GAS7: variants seen among roughly 807,000 people sequenced by gnomAD.
GAS7 encodes the protein growth arrest specific 7, also known as growth arrest-specific protein 7.
In GAS7, 28 loss-of-function variants were observed where a neutral mutation model predicts 71.1. The ratio of observed to expected loss-of-function variants is 0.39; its 90% CI spans 0.29 to 0.54. GAS7 has a LOEUF of 0.54. GAS7 is among the 20% of genes least tolerant of loss of function. The pLI, the probability that GAS7 is intolerant of heterozygous loss-of-function variation, is 0.62. For synonymous variants in GAS7, 258 were observed against 245.8 expected, an observed-to-expected ratio of 1.05 and a Z score of -0.46; for missense variants, 436 against 627.8, an observed-to-expected ratio of 0.69 and a Z score of 3.27.
At chr17:10,134,093 C>T (rs1033909238) in intron 1 of GAS7, among the ~76,000 whole-genome samples, 22 of 151,928 alleles carry the variant, frequency 1.4e-4, no homozygotes, top group Non-Finnish European at 2.8e-4. Context: ...TCCAGTGGCG[C>T]GATCTCCGCT....
In GAS7 at chr17:10,016,340, G is replaced by T. The variant is rs1440171359; in HGVS notation, c.304+3437C>A. 2.1e-5 allele frequency among the ~76,000 whole-genome samples: 3 copies of T among 145,660 alleles called. No homozygotes were observed. In the South Asian group the frequency reaches 6.5e-4, roughly 31 times the overall value. ...GCGGAGCTTGCAGTGAGCCGAGATC[G>T]CGCCACTGCAGTCCAGCCTGGGTGA... On this transcript the variant is annotated intron_variant, in intron 2 of 13. Transcript: ENST00000432992.
intron 1 of GAS7, among the ~76,000 whole-genome samples, chr17:10,150,353 T>C (rs2074154853): frequency 1.3e-5 from 2 of 151,956 alleles, no homozygotes; most frequent in South Asian, 4.1e-4. Flanking sequence ...CATTCCCCTT[T>C]GACTCTTTCC....
At chr17:10,142,564 T>A (rs1291397583) in intron 1 of GAS7, among the ~76,000 whole-genome samples, 1 of 152,026 alleles carries the variant, frequency 6.6e-6, no homozygotes. Context: ...AGACGGGGTT[T>A]CACCATGTTC....
rs2067478825 is a variant in GAS7, at chr17:9,912,979, T to C, written c.*4249A>G. ...AAAAGGCGACATCAGTGTGACTCCATTTATATGACATTCTAGAAAAGGCAA... is the reference window on the plus strand; with the variant it reads ...AAAAGGCGACATCAGTGTGACTCCACTTATATGACATTCTAGAAAAGGCAA... On this transcript the variant is annotated 3_prime_UTR_variant, in exon 14 of 14. Transcript: ENST00000432992. 1 of 232,738 alleles carries C rather than the reference T, an allele frequency of 4.3e-6. No homozygotes were observed. Among genetic ancestry groups the C allele is most frequent in the Non-Finnish European group, 8.5e-6 (1 of 117,818 alleles). 14.4% of individuals were successfully genotyped at this position (232,738 alleles called of 1,614,324 possible). A position where few individuals can be genotyped will look rare whatever the true frequency, so the allele number is the denominator to read the frequency against.
chr17:9,992,984 T>C (rs1276977157), intron 2 of GAS7, among the ~76,000 whole-genome samples: 1 of 152,056 alleles, frequency 6.6e-6, no homozygotes, highest in Non-Finnish European at 1.5e-5. Flanking sequence ...TGTGCCACAT[T>C]TTCTTAATCC....
At chr17:10,112,426 T>C (rs1203168541) in intron 1 of GAS7, among the ~76,000 whole-genome samples, 5 of 151,940 alleles carry the variant, frequency 3.3e-5, no homozygotes, top group African/African-American at 7.3e-5. Flanking sequence ...GAAAAGATAA[T>C]AGGAGTAGCA....
intron 1 of GAS7, among the ~76,000 whole-genome samples, chr17:10,122,283 C>T (rs758891331): frequency 6.6e-5 from 10 of 152,192 alleles, no homozygotes; most frequent in Non-Finnish European, 1.3e-4. Flanking sequence ...TGAGGGGTTG[C>T]AAACAGAGCT....
At chr17:10,136,135 T>C (rs768691035) in intron 1 of GAS7, among the ~76,000 whole-genome samples, 3 of 152,206 alleles carry the variant, frequency 2.0e-5, no homozygotes, top group Non-Finnish European at 4.4e-5. Flanking sequence ...CATGGCGAAG[T>C]GTCCTATGAC....
At chr17:10,082,853 G>A (rs2073473170) in intron 1 of GAS7, among the ~76,000 whole-genome samples, 1 of 152,200 alleles carries the variant, frequency 6.6e-6, no homozygotes, top group African/African-American at 2.4e-5. Context: ...ATGAATGTCA[G>A]ACATTATCCT....
chr17:10,035,453 G>A (rs536667303), intron 1 of GAS7, among the ~76,000 whole-genome samples: 117 of 152,254 alleles, frequency 7.7e-4, no homozygotes, highest in African/African-American at 2.6e-3. Flanking sequence ...TGCTGTGGAC[G>A]GTCCTAGGTC....
Position 9,923,476 on chromosome 17 carries a change from T to C in GAS7, c.1138+2000A>G, listed in dbSNP as rs1053633597. 5.9e-5 allele frequency among the ~76,000 whole-genome samples: 9 copies of C among 152,124 alleles called. No individual in the cohort carries two copies. In the South Asian group the frequency reaches 6.2e-4, roughly 10 times the overall value. On this transcript the variant is annotated intron_variant, in intron 11 of 13. Transcript: ENST00000432992. ...AAAAACGATTCATCTCCCTGATAGA[T>C]AAAGAATCTATGGTCAGTGGGGAAA...
intron 11 of GAS7, among the ~76,000 whole-genome samples, chr17:9,923,186 C>T (rs2152071456): frequency 1.3e-5 from 2 of 151,590 alleles, no homozygotes; most frequent in Middle Eastern, 3.4e-3. Context: ...GGATTACAGG[C>T]GTGAGCCACC....
chr17:10,026,304 C>G lies in GAS7; in HGVS notation c.184-6407G>C. On this transcript the variant is annotated intron_variant, in intron 1 of 13. Coordinates refer to ENST00000432992, the MANE Select transcript of GAS7 (RefSeq NM_201433.2). The surrounding 1 kb of genome is among the most constrained non-coding windows in gnomAD (Gnocchi z 4.5). Reference sequence around the variant, plus strand: ...AAGCAATAGGAGCTCTAAAGAAAAGCATATCCACAGGGCCCCACACCCCCA... The same window carrying G: ...AAGCAATAGGAGCTCTAAAGAAAAGGATATCCACAGGGCCCCACACCCCCA... 1 of 985,300 alleles carries G rather than the reference C, an allele frequency of 1.0e-6. No homozygotes were observed. Among genetic ancestry groups the G allele is most frequent in the Non-Finnish European group, 1.2e-6 (1 of 829,828 alleles). The allele number at this position is 985,300 out of a possible 1,614,324, so 61.0% of individuals were successfully genotyped here.
rs528524297 is a variant in GAS7 at position 9,913,684 on chromosome 17, C to A, written c.*3544G>T. 1.4e-3 allele frequency: 329 copies of A among 231,520 alleles called. 3 individuals carry two copies. The South Asian group carries it at 0.016, about 11-fold the overall frequency. The allele number at this position is 231,520 out of a possible 1,614,324, so 14.3% of individuals were successfully genotyped here. A position where few individuals can be genotyped will look rare whatever the true frequency, so the allele number is the denominator to read the frequency against. On this transcript the variant is annotated 3_prime_UTR_variant, in exon 14 of 14. Transcript: ENST00000432992. Reference sequence around the variant, plus strand: ...AGAAAGGAGGCCCAGGGTGGTCCCACTGACAGAATCTCAGGGCCGCCATCC... The same window carrying A: ...AGAAAGGAGGCCCAGGGTGGTCCCAATGACAGAATCTCAGGGCCGCCATCC...
chr17:10,149,252 G>A (rs1341383550), intron 1 of GAS7, among the ~76,000 whole-genome samples: 3 of 151,964 alleles, frequency 2.0e-5, no homozygotes, highest in African/African-American at 7.3e-5. Flanking sequence ...ACAGGTGCCC[G>A]CCACCATGCC....
At chr17:10,086,121 G>C (rs2073516724) in intron 1 of GAS7, among the ~76,000 whole-genome samples, 1 of 152,212 alleles carries the variant, frequency 6.6e-6, no homozygotes, top group Non-Finnish European at 1.5e-5. Context: ...GCAGAGGGTG[G>C]GGGTGAGGAG....
chr17:10,150,623 C>G (rs1174759463), intron 1 of GAS7, among the ~76,000 whole-genome samples: 1 of 116,564 alleles, frequency 8.6e-6, no homozygotes, highest in Admixed American at 1.1e-4. Context: ...GGGTCTCACT[C>G]TCTTGCCCAG....
At chr17:10,175,140 G>A (rs1443944701) in intron 1 of GAS7, among the ~76,000 whole-genome samples, 2 of 151,560 alleles carry the variant, frequency 1.3e-5, no homozygotes, top group African/African-American at 2.4e-5. Context: ...GCCACCACGC[G>A]CGGCCTGGAG....
chr17:9,933,545 A>T (rs2068282614), intron 9 of GAS7, among the ~76,000 whole-genome samples: 2 of 152,220 alleles, frequency 1.3e-5, no homozygotes, highest in Non-Finnish European at 2.9e-5. Flanking sequence ...AAATTATATT[A>T]AAAACGAAGG....
Sources: gnomAD v4.1 joint callset for allele counts (sites outside exome capture counted in the v4.1 genomes callset) on GRCh38, gnomAD v4.1.1 for gene constraint, Gnocchi (gnomAD v3.1) non-coding constraint, MANE v1.5 for transcripts, NCBI Gene and HGNC (gene_info 2026-07-23, HGNC 2026-07-21) for gene names.